TBC1D5: variants seen among roughly 807,000 people sequenced by gnomAD.
TBC1D5 encodes TBC1 domain family, member 5.
A neutral mutation model predicts 100.3 loss-of-function variants in TBC1D5; 75 were observed. The ratio of observed to expected loss-of-function variants is 0.75; its 90% CI spans 0.62 to 0.91. The LOEUF (loss-of-function observed/expected upper bound fraction) is 0.91. Ranked by LOEUF, TBC1D5 falls within the 40% of genes least tolerant of loss-of-function variation. The pLI, the probability that TBC1D5 is intolerant of heterozygous loss-of-function variation, is 0.00. For missense variants in TBC1D5, 910 were observed against 942.4 expected, an observed-to-expected ratio of 0.97 and a Z score of 0.45; for synonymous variants, 323 against 325.6, an observed-to-expected ratio of 0.99 and a Z score of 0.09.
intron 2 of TBC1D5, among the ~76,000 whole-genome samples, chr3:17,571,369 T>C (rs2096626095): frequency 6.6e-6 from 1 of 152,028 alleles, no homozygotes; most frequent in Non-Finnish European, 1.5e-5. Flanking sequence ...GATTTCAAAA[T>C]ACCACTATTT....
At chr3:17,596,223 T>C (rs961829870) in intron 2 of TBC1D5, among the ~76,000 whole-genome samples, 50 of 152,128 alleles carry the variant, frequency 3.3e-4, no homozygotes, top group African/African-American at 1.2e-3. Context: ...ATATTAACAA[T>C]CACTTGAGAA....
intron 3 of TBC1D5, among the ~76,000 whole-genome samples, chr3:17,469,461 C>T (rs182963658): frequency 3.3e-5 from 5 of 151,668 alleles, no homozygotes; most frequent in African/African-American, 9.7e-5. Flanking sequence ...TTATGAGGGC[C>T]GTCCAGCCTG....
At chr3:17,455,318 GTA>G (rs898887772) in intron 3 of TBC1D5, among the ~76,000 whole-genome samples, 9 of 135,696 alleles carry the variant, frequency 6.6e-5, no homozygotes, top group South Asian at 2.1e-4. Flanking sequence ...GTAAATATGT[GTA>G]TATGTGTATA....
At chr3:17,240,507 C>T (rs1309695269) in intron 16 of TBC1D5, among the ~76,000 whole-genome samples, 1 of 152,076 alleles carries the variant, frequency 6.6e-6, no homozygotes, top group Non-Finnish European at 1.5e-5. Context: ...TCTTAATTTA[C>T]ATTTACTATA....
intron 2 of TBC1D5, among the ~76,000 whole-genome samples, chr3:17,545,617 T>C (rs1290839477): frequency 6.6e-6 from 1 of 152,236 alleles, no homozygotes; most frequent in Non-Finnish European, 1.5e-5. Context: ...AATGACTTAT[T>C]ATATAAGAAA....
intron 8 of TBC1D5, among the ~76,000 whole-genome samples, chr3:17,391,852 A>G (rs2093360735): frequency 6.6e-6 from 1 of 152,176 alleles, no homozygotes; most frequent in Non-Finnish European, 1.5e-5. Flanking sequence ...AAACTGAGTG[A>G]TCTAGCTAAG....
chr3:17,292,620 T>G (rs554603293), intron 14 of TBC1D5, among the ~76,000 whole-genome samples: 3 of 152,312 alleles, frequency 2.0e-5, no homozygotes, highest in African/African-American at 7.2e-5. Flanking sequence ...AGCCTGTCAT[T>G]TAATTTTTTT....
intron 13 of TBC1D5, among the ~76,000 whole-genome samples, chr3:17,315,210 A>T (rs2084539672): frequency 6.6e-6 from 1 of 152,242 alleles, no homozygotes; most frequent in Non-Finnish European, 1.5e-5. Context: ...GCACACATTT[A>T]ATGACTGGGA....
chr3:17,637,710 A>C (rs1376235121), intron 1 of TBC1D5, among the ~76,000 whole-genome samples: 2 of 152,214 alleles, frequency 1.3e-5, no homozygotes, highest in African/African-American at 4.8e-5. Context: ...TAAAGATAAA[A>C]AACACTGACA....
intron 2 of TBC1D5, among the ~76,000 whole-genome samples, chr3:17,563,619 G>C (rs1475816739): frequency 6.6e-6 from 1 of 152,176 alleles, no homozygotes; most frequent in Non-Finnish European, 1.5e-5. Flanking sequence ...TTTCAAAACA[G>C]TATCTTTAGA....
intron 4 of TBC1D5, 127 bp from the exon 5 acceptor site, chr3:17,406,653 T>C: frequency 1.4e-6 from 1 of 726,280 alleles, no homozygotes; most frequent in African/African-American, 1.8e-5. Flanking sequence ...TATATTTAGT[T>C]GTGTACTGTT....
At chr3:17,291,263 T>C (rs1006815957) in intron 15 of TBC1D5, among the ~76,000 whole-genome samples, 2 of 152,264 alleles carry the variant, frequency 1.3e-5, no homozygotes, top group Non-Finnish European at 2.9e-5. Context: ...TTAAATGTTC[T>C]TATTTTCAAG....
At chr3:17,482,850 T>C (rs941819155) in intron 3 of TBC1D5, among the ~76,000 whole-genome samples, 3 of 152,122 alleles carry the variant, frequency 2.0e-5, no homozygotes, top group Admixed American at 1.3e-4. Flanking sequence ...ATTGTCAGGA[T>C]TGGGGAGATC....
chr3:17,514,148 T>C (rs2095951571), intron 2 of TBC1D5, among the ~76,000 whole-genome samples: 1 of 152,182 alleles, frequency 6.6e-6, no homozygotes, highest in South Asian at 2.1e-4. Context: ...TTTAAGTTAA[T>C]TAAGTATTAA....
intron 2 of TBC1D5, among the ~76,000 whole-genome samples, chr3:17,602,337 T>C (rs2061012588): frequency 6.6e-6 from 1 of 152,154 alleles, no homozygotes. Context: ...TTGAAATGTG[T>C]GATTCATGGA....
intron 3 of TBC1D5, among the ~76,000 whole-genome samples, chr3:17,497,983 A>C (rs183116567): frequency 2.6e-5 from 4 of 152,308 alleles, no homozygotes; most frequent in Admixed American, 6.5e-5. Flanking sequence ...AAGTGGTAGA[A>C]TATCAGATCT....
intron 3 of TBC1D5, among the ~76,000 whole-genome samples, chr3:17,480,600 C>T (rs2095490638): frequency 6.6e-6 from 1 of 152,208 alleles, no homozygotes; most frequent in African/African-American, 2.4e-5. Context: ...CTCCAGGTCT[C>T]ACCTCTGCTA....
intron 14 of TBC1D5, among the ~76,000 whole-genome samples, chr3:17,296,761 C>G (rs17043327): frequency 0.012 from 1,824 of 152,314 alleles, 29 homozygotes; most frequent in African/African-American, 0.041. Context: ...TCCTTGAAAC[C>G]TAAGACCAAC....
At chr3:17,546,020 G>A (rs1291582246) in intron 2 of TBC1D5, among the ~76,000 whole-genome samples, 2 of 152,044 alleles carry the variant, frequency 1.3e-5, no homozygotes, top group African/African-American at 4.8e-5. Flanking sequence ...AAACTGAAAT[G>A]TCTTTAAAAA....
Sources: gnomAD v4.1 joint callset for allele counts (sites outside exome capture counted in the v4.1 genomes callset) on GRCh38, gnomAD v4.1.1 for gene constraint, MANE v1.5 for transcripts, NCBI Gene and HGNC (gene_info 2026-07-23, HGNC 2026-07-21) for gene names.